The following STK32B variants were observed in gnomAD, a reference collection of about 807,000 sequenced individuals.
The protein encoded by STK32B is serine/threonine-protein kinase 32B.
In STK32B, 43 loss-of-function variants were observed where a neutral mutation model predicts 52.6. That is an observed-to-expected ratio of 0.82 (90% CI 0.64 to 1.05). The LOEUF is 1.05. Ranked by LOEUF, STK32B falls within the 50% of genes least tolerant of loss-of-function variation. STK32B has a pLI of 0.00. For synonymous variants in STK32B, 238 were observed against 204.3 expected (o/e 1.17, Z -1.41); for missense variants, 621 against 534.6 (o/e 1.16, Z -1.59).
At chr4:5,331,168 G>A in intron 3 of STK32B, 52 bp from the exon 4 acceptor site, 1 of 1,526,592 alleles carries the variant, frequency 6.6e-7, no homozygotes, top group Non-Finnish European at 8.9e-7. Context: ...TGGTCTTGAG[G>A]GTGCTGAAGG....
intron 1 of STK32B, among the ~76,000 whole-genome samples, chr4:5,095,570 A>T (rs4689986): frequency 6.6e-6 from 1 of 152,054 alleles, no homozygotes; most frequent in Non-Finnish European, 1.5e-5. Flanking sequence ...AGCCGAGATC[A>T]TGCCACTGCA....
chr4:5,494,715 A>T (rs1463863925), intron 11 of STK32B, among the ~76,000 whole-genome samples: 1 of 152,106 alleles, frequency 6.6e-6, no homozygotes, highest in African/African-American at 2.4e-5. Flanking sequence ...GGCTGCTACC[A>T]GTTGTTCCTT....
At chr4:5,443,902 T>G (rs933113218) in intron 6 of STK32B, among the ~76,000 whole-genome samples, 3 of 152,238 alleles carry the variant, frequency 2.0e-5, no homozygotes, top group African/African-American at 7.2e-5. Context: ...TGCCTGCCAG[T>G]CAGGCTGCTC....
At chr4:5,286,721 T>C (rs1291182339) in intron 3 of STK32B, among the ~76,000 whole-genome samples, 1 of 152,144 alleles carries the variant, frequency 6.6e-6, no homozygotes, top group Admixed American at 6.5e-5. Context: ...AGGACTGTTT[T>C]TGCATTGTTG....
At chr4:5,374,283 C>A (rs1230021750) in intron 4 of STK32B, among the ~76,000 whole-genome samples, 1 of 152,204 alleles carries the variant, frequency 6.6e-6, no homozygotes, top group East Asian at 1.9e-4. Context: ...TCTCTATCTT[C>A]ATGATTTTTG....
At chr4:5,155,274 T>C (rs1351315378) in intron 2 of STK32B, among the ~76,000 whole-genome samples, 1 of 152,202 alleles carries the variant, frequency 6.6e-6, no homozygotes, top group Non-Finnish European at 1.5e-5. Context: ...CTTCCCCTTT[T>C]CTTTATAGCA....
chr4:5,165,318 C>A (rs958385595), intron 2 of STK32B, among the ~76,000 whole-genome samples: 16 of 152,166 alleles, frequency 1.1e-4, no homozygotes, highest in African/African-American at 3.9e-4. Flanking sequence ...AACTTCCAAG[C>A]TCTATTGAAA....
At chr4:5,249,485 T>C (rs796294093) in intron 3 of STK32B, among the ~76,000 whole-genome samples, 8,297 of 110,018 alleles carry the variant, frequency 0.075, 474 homozygotes, top group African/African-American at 0.21. Context: ...CTTCCTTCCT[T>C]CCTTCCTTCC....
intron 6 of STK32B, among the ~76,000 whole-genome samples, chr4:5,417,738 C>A (rs552296347): frequency 6.6e-6 from 1 of 152,260 alleles, no homozygotes; most frequent in South Asian, 2.1e-4. Context: ...TTATCAATTA[C>A]TGTGTAACAA....
intron 3 of STK32B, among the ~76,000 whole-genome samples, chr4:5,177,015 G>T (rs370289567): frequency 6.6e-6 from 1 of 152,246 alleles, no homozygotes; most frequent in African/African-American, 2.4e-5. Flanking sequence ...GGAGTGTTTT[G>T]AGAATTAACT....
At chr4:5,077,437 C>T (rs549483457) in intron 1 of STK32B, among the ~76,000 whole-genome samples, 4 of 152,058 alleles carry the variant, frequency 2.6e-5, no homozygotes, top group Non-Finnish European at 5.9e-5. Flanking sequence ...AGGGCAGACA[C>T]CCACTGAACT....
chr4:5,328,643 C>T (rs1433753860), intron 3 of STK32B, among the ~76,000 whole-genome samples: 2 of 152,238 alleles, frequency 1.3e-5, no homozygotes, highest in South Asian at 2.1e-4. Flanking sequence ...TATCATAGAT[C>T]ACTATAGGAG....
At chr4:5,271,782 C>T (rs1042993962) in intron 3 of STK32B, among the ~76,000 whole-genome samples, 3 of 139,770 alleles carry the variant, frequency 2.1e-5, no homozygotes, top group African/African-American at 6.6e-5. Context: ...AATGGGAGTT[C>T]ACTCATGATT....
At chr4:5,461,195 CA>C (rs1420842452) in intron 9 of STK32B, among the ~76,000 whole-genome samples, 2 of 152,168 alleles carry the variant, frequency 1.3e-5, no homozygotes, top group African/African-American at 2.4e-5. Context: ...GAGCACACCC[CA>C]CCCGCTCACC....
intron 11 of STK32B, among the ~76,000 whole-genome samples, chr4:5,482,033 T>A (rs1158029646): frequency 2.0e-5 from 3 of 152,182 alleles, no homozygotes; most frequent in Non-Finnish European, 2.9e-5. Context: ...CCTCCAGCTT[T>A]GTTCTTTTGG....
At chr4:5,318,946 C>T (rs765504731) in intron 3 of STK32B, among the ~76,000 whole-genome samples, 4 of 151,960 alleles carry the variant, frequency 2.6e-5, no homozygotes, top group Non-Finnish European at 4.4e-5. Flanking sequence ...ACTACAGGTG[C>T]CCGCCACCAT....
chr4:5,249,006 G>C (rs570232807), intron 3 of STK32B, among the ~76,000 whole-genome samples: 1 of 151,978 alleles, frequency 6.6e-6, no homozygotes, highest in African/African-American at 2.4e-5. Flanking sequence ...GCAGCACACC[G>C]ACATGGCACA....
chr4:5,203,076 A>T (rs530492530), intron 3 of STK32B, among the ~76,000 whole-genome samples: 1 of 152,216 alleles, frequency 6.6e-6, no homozygotes, highest in Non-Finnish European at 1.5e-5. Context: ...GATCTTGGGC[A>T]AGTTAACCAA....
In STK32B at chr4:5,453,884, G is replaced by T. The variant is rs550153379; in HGVS notation, c.667-2923G>T. On this transcript the variant is annotated intron_variant, in intron 7 of 11. Coordinates refer to ENST00000282908, the MANE Select transcript of STK32B (RefSeq NM_018401.3). The surrounding 1 kb of genome is among the most constrained non-coding windows in gnomAD (Gnocchi z 4.0). Reference sequence around the variant, plus strand: ...CATACCATTGCACTCCAGTCTAGGCGACAAGAGTGAAACTCCATCTAAAAA... The same window carrying T: ...CATACCATTGCACTCCAGTCTAGGCTACAAGAGTGAAACTCCATCTAAAAA... Among the ~76,000 whole-genome samples the T allele has an allele frequency of 6.6e-6, 1 of 151,556 alleles. No individual in the cohort carries two copies. Among genetic ancestry groups the T allele is most frequent in the Non-Finnish European group, 1.5e-5 (1 of 67,942 alleles).
Sources: gnomAD v4.1 joint callset for allele counts (sites outside exome capture counted in the v4.1 genomes callset) on GRCh38, gnomAD v4.1.1 for gene constraint, Gnocchi (gnomAD v3.1) non-coding constraint, MANE v1.5 for transcripts, NCBI Gene and HGNC (gene_info 2026-07-23, HGNC 2026-07-21) for gene names.